The following UGDH variants were observed in gnomAD, a reference collection of about 807,000 sequenced individuals.
UGDH encodes UDP-Glc dehydrogenase.
Under a neutral mutation model 50.6 loss-of-function variants are expected in UGDH, and 38 were observed. That is an observed-to-expected ratio of 0.75 (90% CI 0.58 to 0.98). The LOEUF (loss-of-function observed/expected upper bound fraction) is 0.98. Ranked by LOEUF, UGDH falls within the 50% of genes least tolerant of loss-of-function variation. The pLI is 0.00. For synonymous variants in UGDH, 168 were observed against 199.9 expected (o/e 0.84, Z 1.35); for missense variants, 465 against 606.2 (o/e 0.77, Z 2.45).
At chr4:39,516,439 T>C (rs1447614935) in intron 2 of UGDH, among the ~76,000 whole-genome samples, 1 of 152,236 alleles carries the variant, frequency 6.6e-6, no homozygotes, top group Non-Finnish European at 1.5e-5. Flanking sequence ...TGTACTGTTA[T>C]CTTTAATTAC....
In UGDH at chr4:39,504,510, T is replaced by C; in HGVS notation, c.1172-2A>G. The C allele has an allele frequency of 6.2e-7, 1 of 1,613,102 alleles. No homozygotes were observed. The highest frequency in any genetic ancestry group is 8.5e-7 in the Non-Finnish European group (1 of 1,179,386). On this transcript the variant is annotated splice_acceptor_variant, in intron 9 of 11. Transcript: ENST00000316423. LOFTEE classifies it high-confidence loss of function. ...TGGAAATGGTCACGAGCCGGGACAC[T>C]GTAACAATAGCAACAACAAAAAAAC...
intron 9 of UGDH, among the ~76,000 whole-genome samples, chr4:39,504,877 A>C (rs903422618): frequency 6.6e-6 from 1 of 152,252 alleles, no homozygotes; most frequent in Non-Finnish European, 1.5e-5. Context: ...GCAAAACCAC[A>C]CATAAGGGGA....
rs564154605 is a variant in UGDH at position 39,502,437 on chromosome 4, T to C, written c.1374+1438A>G. On this transcript the variant is annotated intron_variant, in intron 11 of 11. Transcript: ENST00000316423. ...GATCAGATATTTTTGAATAGCAGAT[T>C]AGGCCTTACTGATACCTCTCCAAGA... 7.7e-4 allele frequency among the ~76,000 whole-genome samples: 117 copies of C among 152,308 alleles called. 1 individual carries two copies. The highest frequency in any genetic ancestry group is 1.5e-3 in the Non-Finnish European group (101 of 68,024).
At chr4:39,527,068 AG>A in intron 1 of UGDH, 1 of 1,289,434 alleles carries the variant, frequency 7.8e-7, no homozygotes, top group Non-Finnish European at 1.0e-6. Context: ...TTGAATAAGA[AG>A]CCCAGACGAC....
intron 2 of UGDH, among the ~76,000 whole-genome samples, 174 bp downstream of exon 2, chr4:39,521,177 C>T (rs1476516868): frequency 6.6e-6 from 1 of 151,694 alleles, no homozygotes; most frequent in East Asian, 1.9e-4. Context: ...TTTTTCCTAC[C>T]CACATTACCC....
In UGDH at chr4:39,500,117, A is replaced by ATT; in HGVS notation, c.*25_*26insAA. The ATT allele has an allele frequency of 7.0e-7, 1 of 1,436,788 alleles. No homozygotes were observed. The highest frequency in any genetic ancestry group is 9.5e-7 in the Non-Finnish European group (1 of 1,051,464). The allele number at this position is 1,436,788 out of a possible 1,614,324, so 89.0% of individuals were successfully genotyped here. A position where few individuals can be genotyped will look rare whatever the true frequency, so the allele number is the denominator to read the frequency against. On this transcript the variant is annotated 3_prime_UTR_variant, in exon 12 of 12. Transcript: ENST00000316423. ...CCTGAAGTACCAAAAAAAAAAAAAAAAAATCACAAATAAAAATGGCAATCT... is the reference window on the plus strand; with the variant it reads ...CCTGAAGTACCAAAAAAAAAAAAAAATTAAATCACAAATAAAAATGGCAATCT...
chr4:39,521,898 T>C (rs1356454980), intron 1 of UGDH, among the ~76,000 whole-genome samples: 1 of 152,238 alleles, frequency 6.6e-6, no homozygotes, highest in Non-Finnish European at 1.5e-5. Flanking sequence ...AACATACTTG[T>C]ACGATTCTTG....
intron 9 of UGDH, among the ~76,000 whole-genome samples, chr4:39,504,857 C>A (rs895950164): frequency 6.6e-6 from 1 of 152,140 alleles, no homozygotes; most frequent in East Asian, 1.9e-4. Context: ...GATAACTGAA[C>A]CCGTGGAAAG....
intron 2 of UGDH, among the ~76,000 whole-genome samples, chr4:39,515,527 A>T (rs1746408497): frequency 6.6e-6 from 1 of 152,048 alleles, no homozygotes; most frequent in Non-Finnish European, 1.5e-5. Flanking sequence ...TTAACAGGAG[A>T]TATATTTATG....
intron 11 of UGDH, among the ~76,000 whole-genome samples, chr4:39,500,503 A>G (rs532296284): frequency 6.6e-6 from 1 of 152,236 alleles, no homozygotes; most frequent in East Asian, 1.9e-4. Flanking sequence ...GACTCCCTCA[A>G]AGTAGTCAAT....
At chr4:39,521,085 A>G (rs951953474) in intron 2 of UGDH, among the ~76,000 whole-genome samples, 7 of 151,320 alleles carry the variant, frequency 4.6e-5, no homozygotes, top group Non-Finnish European at 7.4e-5. Context: ...AAAAAAAAAA[A>G]AAAAAGAAAA....
chr4:39,527,110 G>A (rs757182593), intron 1 of UGDH, 173 bp downstream of exon 1: 10 of 1,289,064 alleles, frequency 7.8e-6, no homozygotes, highest in African/African-American at 1.5e-5. Flanking sequence ...TCCAAAATGC[G>A]GTTCCCGCCC....
At chr4:39,523,341 T>A (rs2109949126) in intron 1 of UGDH, among the ~76,000 whole-genome samples, 1 of 152,100 alleles carries the variant, frequency 6.6e-6, no homozygotes, top group African/African-American at 2.4e-5. Flanking sequence ...CACGAGCCAC[T>A]GTGCCAGGCC....
At chr4:39,524,105 G>A (rs775617981) in intron 1 of UGDH, among the ~76,000 whole-genome samples, 5 of 152,124 alleles carry the variant, frequency 3.3e-5, no homozygotes, top group Non-Finnish European at 5.9e-5. Context: ...TACCTAAAGA[G>A]TAGAATCTCA....
intron 1 of UGDH, among the ~76,000 whole-genome samples, chr4:39,525,470 A>G (rs1746838591): frequency 6.6e-6 from 1 of 151,742 alleles, no homozygotes; most frequent in African/African-American, 2.4e-5. Context: ...CTGGGATTAC[A>G]GGCGTGAGCC....
In UGDH at chr4:39,527,343, C is replaced by G; in HGVS notation, c.-68G>C. ...TCCCGATCGTTCGGACAGCACCTTCCTACGGGCCGCGCCGCCGCAGCTTCT... is the reference window on the plus strand; with the variant it reads ...TCCCGATCGTTCGGACAGCACCTTCGTACGGGCCGCGCCGCCGCAGCTTCT... On this transcript the variant is annotated 5_prime_UTR_variant, in exon 1 of 12. Coordinates refer to ENST00000316423, the MANE Select transcript of UGDH (RefSeq NM_003359.4). 4.0e-6 allele frequency: 1 copy of G among 249,332 alleles called. No individual in the cohort carries two copies. Among genetic ancestry groups the G allele is most frequent in the South Asian group, 3.8e-5 (1 of 26,436 alleles). 15.4% of individuals were successfully genotyped at this position (249,332 alleles called of 1,614,324 possible).
intron 4 of UGDH, 38 bp from the exon 5 acceptor site, chr4:39,510,588 T>C (rs1473592287): frequency 6.2e-7 from 1 of 1,613,728 alleles, no homozygotes; most frequent in Non-Finnish European, 8.5e-7. Context: ...TAAGCTAGAA[T>C]TAATTATGGG....
In UGDH at chr4:39,503,445, C is replaced by G. The variant is rs563142534; in HGVS notation, c.1374+430G>C. On this transcript the variant is annotated intron_variant, in intron 11 of 11. Transcript: ENST00000316423. ...CAGCACTGGCACAGTGCTGAGTACT[C>G]AGAAGGTATAGGATGAACACCTGCT... is the stretch of plus-strand genomic sequence containing the variant. 8.5e-5 allele frequency among the ~76,000 whole-genome samples: 13 copies of G among 152,266 alleles called. No homozygotes were observed. In the South Asian group the frequency reaches 2.5e-3, roughly 29 times the overall value.
At chr4:39,520,961 T>C (rs1746629589) in intron 2 of UGDH, among the ~76,000 whole-genome samples, 1 of 150,184 alleles carries the variant, frequency 6.7e-6, no homozygotes, top group Non-Finnish European at 1.5e-5. Flanking sequence ...TAATCCCAGC[T>C]ACTCAAGAGG....
Sources: gnomAD v4.1 joint callset for allele counts (sites outside exome capture counted in the v4.1 genomes callset) on GRCh38, gnomAD v4.1.1 for gene constraint, MANE v1.5 for transcripts, NCBI Gene and HGNC (gene_info 2026-07-23, HGNC 2026-07-21) for gene names.